Variants in SUSD5 observed in about 807,000 individuals in gnomAD.
SUSD5 encodes the protein sushi domain containing 5.
A neutral mutation model predicts 29.5 loss-of-function variants in SUSD5; 33 were observed. That is an observed-to-expected ratio of 1.12 (90% CI 0.85 to 1.49). The LOEUF (loss-of-function observed/expected upper bound fraction) is 1.49. SUSD5 is among the 40% of genes most tolerant of loss of function. The pLI, the probability that SUSD5 is intolerant of heterozygous loss-of-function variation, is 0.00. For missense variants in SUSD5, 776 were observed against 800.6 expected (o/e 0.97, Z 0.37); for synonymous variants, 308 against 325.3 (o/e 0.95, Z 0.57).
rs974603228 is a variant in SUSD5, at chr3:33,151,972, A to G, written c.*770T>C. The G allele has an allele frequency of 3.3e-5, 5 of 152,234 alleles. No homozygotes were observed. The highest frequency in any genetic ancestry group is 5.9e-5 in the Non-Finnish European group (4 of 68,048). 9.4% of individuals were successfully genotyped at this position (152,234 alleles called of 1,614,324 possible). On this transcript the variant is annotated 3_prime_UTR_variant, in exon 5 of 5. Transcript: ENST00000309558. ...GCTCTTGGTTCATCTGCCCTCAGCA[A>G]CATCACAACATTAAAAGGAAACAAC... is the stretch of plus-strand genomic sequence containing the variant.
In SUSD5 at chr3:33,154,049, G is replaced by C; in HGVS notation, c.599-16C>G. On this transcript the variant is annotated splice_polypyrimidine_tract_variant and intron_variant, in intron 4 of 4. Coordinates refer to ENST00000309558, the MANE Select transcript of SUSD5 (RefSeq NM_015551.2). ...TCAGCCTCATCTGGAAGAAAAGAGG[G>C]AAAAAACCTCATTAGCTCCAAAGGC... 6.4e-7 allele frequency: 1 copy of C among 1,552,356 alleles called. No homozygotes were observed. The highest frequency in any genetic ancestry group is 2.3e-5 in the East Asian group (1 of 44,430).
In SUSD5 at chr3:33,153,235, G is replaced by C; in HGVS notation, c.1397C>G (p.Thr466Arg). ...ETEGIGDGDL[T>R]KYQSTLPWRF... ...CCAGGGTAGAGTTGACTGGTACTTC[G>C]TCAAGTCACCATCCCCAATGCCCTC... Residue 466 changes from threonine (T) to arginine (R), a missense_variant, in exon 5 of 5, where the codon ACG becomes AGG. Physicochemically the swap from Thr to Arg is moderately conservative, Grantham distance 71 (BLOSUM62 -1). Coordinates refer to ENST00000309558, the MANE Select transcript of SUSD5 (RefSeq NM_015551.2). 4 of 1,613,770 alleles carry C rather than the reference G, an allele frequency of 2.5e-6. No individual in the cohort carries two copies. The highest frequency in any genetic ancestry group is 3.4e-6 in the Non-Finnish European group (4 of 1,179,846).
At chr3:33,195,554 T>C (rs935231840) in intron 3 of SUSD5, among the ~76,000 whole-genome samples, 1 of 152,170 alleles carries the variant, frequency 6.6e-6, no homozygotes, top group African/African-American at 2.4e-5. Flanking sequence ...TAGTTGAAGA[T>C]AAGTAAAGAG....
chr3:33,171,240 G>A (rs895776642), intron 4 of SUSD5, among the ~76,000 whole-genome samples: 2 of 152,026 alleles, frequency 1.3e-5, no homozygotes, highest in African/African-American at 4.8e-5. Flanking sequence ...CCAGCTATTC[G>A]GGAGGCTGAG....
chr3:33,202,848 A>G, intron 3 of SUSD5, among the ~76,000 whole-genome samples: 1 of 152,214 alleles, frequency 6.6e-6, no homozygotes, highest in African/African-American at 2.4e-5. Context: ...AACTTTATAA[A>G]GAAACACAGG....
intron 4 of SUSD5, among the ~76,000 whole-genome samples, chr3:33,162,292 C>T (rs988100028): frequency 2.0e-5 from 3 of 152,154 alleles, no homozygotes; most frequent in Admixed American, 6.5e-5. Context: ...TTGTGGGAAA[C>T]AGCAAAAGCT....
At chr3:33,172,862 G>C (rs1017352112) in intron 4 of SUSD5, among the ~76,000 whole-genome samples, 1 of 151,854 alleles carries the variant, frequency 6.6e-6, no homozygotes. Context: ...TGCATTTTAC[G>C]AAGTATTAAT....
intron 3 of SUSD5, among the ~76,000 whole-genome samples, chr3:33,202,008 TGA>T (rs775650863): frequency 6.6e-6 from 1 of 150,842 alleles, no homozygotes; most frequent in Admixed American, 6.6e-5. Context: ...GTTAACTCCT[TGA>T]GAGAGGGGAG....
intron 3 of SUSD5, among the ~76,000 whole-genome samples, chr3:33,176,524 G>T (rs1394840676): frequency 6.6e-6 from 1 of 152,114 alleles, no homozygotes; most frequent in East Asian, 1.9e-4. Context: ...TTGTGTTCTG[G>T]ATTGCAAATA....
intron 3 of SUSD5, among the ~76,000 whole-genome samples, chr3:33,197,431 C>T (rs972527702): frequency 1.3e-5 from 2 of 151,942 alleles, no homozygotes; most frequent in African/African-American, 4.8e-5. Context: ...TAAAGCTGCT[C>T]GATAATTTTT....
In SUSD5 at chr3:33,153,752, A is replaced by G. The variant is rs540873024; in HGVS notation, c.880T>C (p.Phe294Leu). The G allele has an allele frequency of 4.3e-6, 7 of 1,614,080 alleles. No homozygotes were observed. The Admixed American group carries it at 1.2e-4, about 27-fold the overall frequency. ...TGGAAAGCCTCAGCAGGAAACCAGA[A>G]CAAGTGCTTCTGGAGCAGCCGTGAT... The part of the protein sequence containing the change: ...PGSRLLQKHL[F>L]WFPAEAFHKP... Residue 294 changes from phenylalanine to leucine, a missense_variant, in exon 5 of 5, where the codon TTC becomes CTC. Coordinates refer to ENST00000309558, the MANE Select transcript of SUSD5 (RefSeq NM_015551.2).
intron 3 of SUSD5, among the ~76,000 whole-genome samples, chr3:33,188,392 C>G (rs2031822209): frequency 6.6e-6 from 1 of 152,194 alleles, no homozygotes. Context: ...CTCCCACTCA[C>G]TCCACAACAC....
intron 2 of SUSD5, among the ~76,000 whole-genome samples, chr3:33,212,444 C>T (rs2032339539): frequency 6.6e-6 from 1 of 152,146 alleles, no homozygotes; most frequent in Non-Finnish European, 1.5e-5. Context: ...TCCTAGCTGG[C>T]CATAACAATT....
chr3:33,213,789 A>G, intron 2 of SUSD5, 139 bp downstream of exon 2: 1 of 997,336 alleles, frequency 1.0e-6, no homozygotes, highest in Non-Finnish European at 1.4e-6. Flanking sequence ...AAACAAAACA[A>G]AACAAAACAA....
intron 3 of SUSD5, among the ~76,000 whole-genome samples, chr3:33,181,533 T>C (rs2031673474): frequency 6.6e-6 from 1 of 151,938 alleles, no homozygotes; most frequent in African/African-American, 2.4e-5. Flanking sequence ...CCACCCTGCC[T>C]AGATATTTTT....
intron 3 of SUSD5, among the ~76,000 whole-genome samples, chr3:33,176,753 TC>T (rs2031559034): frequency 1.3e-5 from 2 of 152,170 alleles, no homozygotes; most frequent in Admixed American, 1.3e-4. Context: ...CTATGGTCCA[TC>T]TCGAGTTAAT....
At position 33,167,395 on chromosome 3, in the gene SUSD5, T is replaced by G. The variant is rs764456798; in HGVS notation, c.598+7491A>C. On this transcript the variant is annotated intron_variant, in intron 4 of 4. Coordinates refer to ENST00000309558, the MANE Select transcript of SUSD5 (RefSeq NM_015551.2). The surrounding 1 kb of genome is among the most constrained non-coding windows in gnomAD (Gnocchi z 4.1). ...CACTTACAGTCTGAACTATGTGTGT[T>G]TGTTTGTGTGCATGCATGCGTGTGT... Among the ~76,000 whole-genome samples, 50 of 151,806 alleles carry G rather than the reference T, an allele frequency of 3.3e-4. 1 individual carries two copies. Among genetic ancestry groups the G allele is most frequent in the Non-Finnish European group, 6.3e-4 (43 of 67,848 alleles).
At chr3:33,177,832 G>C (rs539080185) in intron 3 of SUSD5, among the ~76,000 whole-genome samples, 2 of 152,090 alleles carry the variant, frequency 1.3e-5, no homozygotes, top group African/African-American at 4.8e-5. Context: ...CAGAACGTGC[G>C]GGTTTGTTAC....
chr3:33,207,841 C>T lies in SUSD5; in HGVS notation c.376G>A (p.Gly126Ser), dbSNP rs755000615. The T allele has an allele frequency of 6.2e-7, 1 of 1,613,856 alleles. No homozygotes were observed. Among genetic ancestry groups the T allele is most frequent in the South Asian group, 1.1e-5 (1 of 91,060 alleles). ...TTAATACAAAGGGCACTGTATGTGC[C>T]ACCAGGAACTGGGTTGCTCTCAATT... ...VRIESNPVPG[G>S]TYSALCIKDE... Residue 126 changes from glycine (G) to serine (S), a missense_variant, in exon 3 of 5, where the codon GGC (glycine) becomes AGC (serine). Physicochemically the swap from Gly to Ser is moderately conservative, Grantham distance 56 (BLOSUM62 0). Coordinates refer to ENST00000309558, the MANE Select transcript of SUSD5 (RefSeq NM_015551.2).
Sources: allele counts gnomAD v4.1 joint callset (sites outside exome capture counted in the v4.1 genomes callset), GRCh38; gene constraint gnomAD v4.1.1; non-coding constraint Gnocchi (gnomAD v3.1); transcripts MANE v1.5; gene names NCBI Gene and HGNC (gene_info 2026-07-23, HGNC 2026-07-21).